The following BCHE variants were observed in gnomAD, a reference collection of about 807,000 sequenced individuals.
BCHE encodes the protein cholinesterase.
In BCHE, 48 loss-of-function variants were observed where a neutral mutation model predicts 51.3. That is an observed-to-expected ratio of 0.94 (90% confidence interval 0.74 to 1.19). The LOEUF (loss-of-function observed/expected upper bound fraction) is 1.19, where lower values mean the gene tolerates loss of function less well. BCHE is among the 50% of genes most tolerant of loss of function. The probability of loss-of-function intolerance (pLI) is 0.00; values close to 1 mark genes in which losing one functional copy is unlikely to be tolerated. For missense variants in BCHE, 847 were observed against 708.2 expected (o/e 1.20, Z -2.23); for synonymous variants, 251 against 238.0 (o/e 1.05, Z -0.50).
intron 3 of BCHE, among the ~76,000 whole-genome samples, chr3:165,780,576 C>A (rs1337574677): frequency 6.6e-6 from 1 of 152,016 alleles, no homozygotes; most frequent in African/African-American, 2.4e-5. Flanking sequence ...GAAAAGCAAA[C>A]AACCCCATCA....
chr3:165,829,980 C>T lies in BCHE; in HGVS notation c.1054G>A (p.Asp352Asn). 1 of 1,613,784 alleles carries T rather than the reference C, an allele frequency of 6.2e-7. No homozygotes were observed. Among genetic ancestry groups the T allele is most frequent in the Non-Finnish European group, 8.5e-7 (1 of 1,179,884 alleles). Residue 352 changes from aspartate (D) to asparagine (N), a missense_variant, in exon 2 of 4, where the codon GAT becomes AAT. Transcript: ENST00000264381. ...TAGACTAAAAAAGCTGTCCCTTCAT[C>T]TTTATTAACACCCACCAAAATCTGG... ...KTQILVGVNK[D>N]EGTAFLVYGA...
chr3:165,785,698 G>GT (rs751356610), intron 3 of BCHE, among the ~76,000 whole-genome samples: 1 of 151,342 alleles, frequency 6.6e-6, no homozygotes, highest in African/African-American at 2.4e-5. Flanking sequence ...AAACTTCGGA[G>GT]TTTTTTTCTC....
intron 2 of BCHE, among the ~76,000 whole-genome samples, chr3:165,808,057 C>T (rs979242796): frequency 6.6e-6 from 1 of 151,988 alleles, no homozygotes; most frequent in Non-Finnish European, 1.5e-5. Context: ...GATCTCAGCT[C>T]ACTGCAAACT....
intron 2 of BCHE, among the ~76,000 whole-genome samples, chr3:165,795,080 A>G (rs952553320): frequency 1.1e-4 from 17 of 152,192 alleles, no homozygotes; most frequent in African/African-American, 4.1e-4. Flanking sequence ...TCAATTCAGT[A>G]TCAGTTCTAA....
chr3:165,835,733 A>G (rs1282570985), intron 1 of BCHE, among the ~76,000 whole-genome samples: 2 of 151,968 alleles, frequency 1.3e-5, no homozygotes, highest in African/African-American at 4.8e-5. Context: ...ACACTACATT[A>G]GATATAAGAA....
intron 2 of BCHE, among the ~76,000 whole-genome samples, chr3:165,823,000 A>G (rs1377946584): frequency 6.6e-6 from 1 of 152,154 alleles, no homozygotes; most frequent in Non-Finnish European, 1.5e-5. Flanking sequence ...TATAAAAGAC[A>G]TAATGCACAT....
intron 2 of BCHE, among the ~76,000 whole-genome samples, chr3:165,819,355 G>C (rs938913617): frequency 9.9e-5 from 15 of 152,026 alleles, no homozygotes; most frequent in African/African-American, 2.9e-4. Flanking sequence ...TGGGATTACA[G>C]GCATGAGCCA....
intron 2 of BCHE, among the ~76,000 whole-genome samples, chr3:165,796,363 A>G (rs1224432785): frequency 6.6e-6 from 1 of 152,166 alleles, no homozygotes; most frequent in African/African-American, 2.4e-5. Flanking sequence ...TGTAAAACTG[A>G]ATCCTGCATA....
rs186781719 is a variant in BCHE, at chr3:165,821,006, C to G, written c.1517+8511G>C. ...TCTGTCACCTGTTAGTTGCAATTCA[C>G]TTTTCTTCTATGGAACACAATTTTC... On this transcript the variant is annotated intron_variant, in intron 2 of 3. Transcript: ENST00000264381. Among the ~76,000 whole-genome samples the G allele has an allele frequency of 7.9e-5, 11 of 139,212 alleles. No individual in the cohort carries two copies. In the East Asian group the frequency reaches 2.4e-3, roughly 30 times the overall value. The allele number at this position is 139,212 out of a possible 152,430, so 91.3% of individuals were successfully genotyped here.
At chr3:165,818,885 G>A in intron 2 of BCHE, among the ~76,000 whole-genome samples, 1 of 151,890 alleles carries the variant, frequency 6.6e-6, no homozygotes, top group East Asian at 1.9e-4. Context: ...AGACATAGAG[G>A]GAACAATTAA....
intron 2 of BCHE, among the ~76,000 whole-genome samples, chr3:165,796,826 C>T (rs1713397466): frequency 6.6e-6 from 1 of 152,068 alleles, no homozygotes; most frequent in South Asian, 2.1e-4. Context: ...CTTTGTATTG[C>T]ACATCTTCAG....
At chr3:165,775,653 A>G (rs1712442197) in intron 3 of BCHE, among the ~76,000 whole-genome samples, 1 of 151,926 alleles carries the variant, frequency 6.6e-6, no homozygotes, top group Non-Finnish European at 1.5e-5. Context: ...TACCAAAATC[A>G]CTGATTTACA....
intron 2 of BCHE, 103 bp downstream of exon 2, chr3:165,829,414 A>G: frequency 1.9e-6 from 2 of 1,049,238 alleles, no homozygotes; most frequent in Non-Finnish European, 2.9e-6. Flanking sequence ...AATAATTAAA[A>G]CATTTCTGTG....
intron 2 of BCHE, among the ~76,000 whole-genome samples, chr3:165,798,779 T>C (rs1323884577): frequency 6.6e-6 from 1 of 152,016 alleles, no homozygotes; most frequent in Non-Finnish European, 1.5e-5. Flanking sequence ...TCTTGAGCCC[T>C]AGGTTTCTAG....
intron 3 of BCHE, among the ~76,000 whole-genome samples, chr3:165,776,959 T>TA (rs1473126652): frequency 1.3e-5 from 2 of 151,538 alleles, no homozygotes; most frequent in African/African-American, 4.8e-5. Context: ...ACATGTAAAA[T>TA]ACGGTAATAT....
chr3:165,797,306 CCCCTT>C (rs150002261), intron 2 of BCHE, among the ~76,000 whole-genome samples: 412 of 1,378 alleles, frequency 0.3, 129 homozygotes, highest in Non-Finnish European at 0.56. Flanking sequence ...CCTCCCTCCC[CCCCTT>C]CCTTCCTTCC....
chr3:165,828,331 C>T (rs1249407084), intron 2 of BCHE, among the ~76,000 whole-genome samples: 1 of 152,104 alleles, frequency 6.6e-6, no homozygotes, highest in African/African-American at 2.4e-5. Flanking sequence ...TACCCAGAAC[C>T]TGGTGTTACT....
At chr3:165,825,614 C>A (rs1714690954) in intron 2 of BCHE, among the ~76,000 whole-genome samples, 1 of 151,892 alleles carries the variant, frequency 6.6e-6, no homozygotes, top group Admixed American at 6.6e-5. Context: ...AGCTTAGTTA[C>A]ACATGTATAC....
intron 3 of BCHE, among the ~76,000 whole-genome samples, chr3:165,781,039 C>G (rs551702021): frequency 1.1e-4 from 17 of 152,142 alleles, no homozygotes; most frequent in African/African-American, 3.9e-4. Flanking sequence ...GTCAGGGGTT[C>G]GAGATCAGCC....
Sources: gnomAD v4.1 joint callset for allele counts (sites outside exome capture counted in the v4.1 genomes callset) on GRCh38, gnomAD v4.1.1 for gene constraint, MANE v1.5 for transcripts, NCBI Gene and HGNC (gene_info 2026-07-23, HGNC 2026-07-21) for gene names.